NCKAP5: variants seen among roughly 807,000 people sequenced by gnomAD.
NCKAP5 encodes NCK associated protein 5, also known as nck-associated protein 5.
A neutral mutation model predicts 167.0 loss-of-function variants in NCKAP5; 92 were observed. The ratio of observed to expected loss-of-function variants is 0.55; its 90% CI spans 0.47 to 0.66. The LOEUF (loss-of-function observed/expected upper bound fraction) is 0.66. NCKAP5 is among the 30% of genes least tolerant of loss of function. NCKAP5 has a pLI of 0.00. For synonymous variants in NCKAP5, 891 were observed against 877.4 expected (o/e 1.02, Z -0.27); for missense variants, 2,378 against 2,315.0 (o/e 1.03, Z -0.56).
chr2:132,893,706 C>T (rs1319181194), intron 8 of NCKAP5, among the ~76,000 whole-genome samples: 1 of 152,108 alleles, frequency 6.6e-6, no homozygotes, highest in East Asian at 1.9e-4. Context: ...ATCATTACCA[C>T]TAGTGGGGAG....
chr2:133,524,119 G>A lies in NCKAP5; in HGVS notation c.-61-6532C>T, dbSNP rs192850113. On this transcript the variant is annotated intron_variant, in intron 2 of 19. Transcript: ENST00000409261. Reference sequence around the variant, plus strand: ...TAGATGGAATAAATCAAGATCTCTGGGGGTGGGAACCAAACATTATTATTT... The same window carrying A: ...TAGATGGAATAAATCAAGATCTCTGAGGGTGGGAACCAAACATTATTATTT... 1.1e-4 allele frequency among the ~76,000 whole-genome samples: 17 copies of A among 152,216 alleles called. No homozygotes were observed. In the East Asian group the frequency reaches 3.3e-3, roughly 29 times the overall value.
Position 132,688,995 on chromosome 2 carries a change from A to C in NCKAP5, c.5714-15690T>G, listed in dbSNP as rs972827841. 1.7e-4 allele frequency among the ~76,000 whole-genome samples: 25 copies of C among 151,322 alleles called. 1 individual carries two copies. Among genetic ancestry groups the C allele is most frequent in the African/African-American group, 5.3e-4 (22 of 41,242 alleles). On this transcript the variant is annotated intron_variant, in intron 19 of 19. Transcript: ENST00000409261. ...AATGAGACACCAACTCAAAAAAAAA[A>C]AAAAAAAAAAGCCTCTTTCCAAAAA...
intron 6 of NCKAP5, among the ~76,000 whole-genome samples, chr2:133,029,802 C>T (rs575281318): frequency 3.3e-5 from 5 of 152,222 alleles, no homozygotes; most frequent in African/African-American, 9.6e-5. Context: ...ATCAGTGGTG[C>T]CAGAAGATGC....
intron 11 of NCKAP5, among the ~76,000 whole-genome samples, chr2:132,831,017 T>G (rs1221195574): frequency 6.6e-6 from 1 of 152,182 alleles, no homozygotes; most frequent in Non-Finnish European, 1.5e-5. Flanking sequence ...CTAACACATA[T>G]TTAGGTTTTA....
intron 10 of NCKAP5, among the ~76,000 whole-genome samples, chr2:132,865,810 C>T (rs1471792790): frequency 2.0e-5 from 3 of 152,292 alleles, no homozygotes; most frequent in African/African-American, 7.2e-5. Flanking sequence ...GCAGTTGAAA[C>T]TATGAGCAAA....
intron 8 of NCKAP5, among the ~76,000 whole-genome samples, chr2:132,936,158 T>A (rs974445610): frequency 1.3e-5 from 2 of 151,978 alleles, no homozygotes; most frequent in African/African-American, 4.8e-5. Context: ...ATTTTTGTGT[T>A]TTTAGCAGAG....
At chr2:133,589,452 C>G in the NCKAP5 span, among the ~76,000 whole-genome samples, 1 of 152,100 alleles carries the variant, frequency 6.6e-6, no homozygotes, top group East Asian at 1.9e-4. Flanking sequence ...GGATACCTAG[C>G]AAGCATCCAA....
chr2:132,950,227 G>A (rs1329365545), intron 8 of NCKAP5, among the ~76,000 whole-genome samples: 1 of 152,156 alleles, frequency 6.6e-6, no homozygotes, highest in Non-Finnish European at 1.5e-5. Context: ...ACTAGTTCAA[G>A]ATCCACATAA....
In NCKAP5 at chr2:133,274,708, G is replaced by A. The variant is rs1385046150; in HGVS notation, c.143+28329C>T. On this transcript the variant is annotated intron_variant, in intron 4 of 19. Coordinates refer to ENST00000409261, the MANE Select transcript of NCKAP5 (RefSeq NM_207363.3). ...ATTTATGGACTCAGGGTATATGAAA[G>A]AAATGGCATTATTAATTATTGGGGA... 9.2e-5 allele frequency among the ~76,000 whole-genome samples: 14 copies of A among 151,796 alleles called. No homozygotes were observed. The South Asian group carries it at 2.7e-3, about 29-fold the overall frequency.
intron 8 of NCKAP5, among the ~76,000 whole-genome samples, chr2:132,925,494 G>A (rs7588407): frequency 0.32 from 47,955 of 150,082 alleles, 10,026 homozygotes; most frequent in African/African-American, 0.56. Context: ...CCTGGGAGGC[G>A]GAGTTTGCAG....
intron 3 of NCKAP5, among the ~76,000 whole-genome samples, chr2:133,309,176 G>A (rs898360788): frequency 6.6e-6 from 1 of 151,864 alleles, no homozygotes; most frequent in Non-Finnish European, 1.5e-5. Flanking sequence ...GTAATATTAT[G>A]GGCTAATTTA....
At chr2:132,790,316 G>T (rs1034271172) in intron 12 of NCKAP5, 111 bp from the exon 13 acceptor site, 3 of 951,470 alleles carry the variant, frequency 3.2e-6, no homozygotes, top group Admixed American at 5.4e-5. Flanking sequence ...ACTTATGGCA[G>T]GAGTACATCC....
rs577756737 is a variant in NCKAP5 at position 133,063,338 on chromosome 2, T to C, written c.341+66640A>G. Among the ~76,000 whole-genome samples, 17 of 152,362 alleles carry C rather than the reference T, an allele frequency of 1.1e-4. No individual in the cohort carries two copies. The East Asian group carries it at 3.3e-3, about 29-fold the overall frequency. ...AATAAGTGTGTTTATTAAGCTGGCA[T>C]TGACAGGGCACTCAATTTATTATCT... is the stretch of plus-strand genomic sequence containing the variant. On this transcript the variant is annotated intron_variant, in intron 6 of 19. Transcript: ENST00000409261.
rs568650523 is a variant in NCKAP5, at chr2:133,451,636, C to T, written c.69+65822G>A. Among the ~76,000 whole-genome samples, 292 of 152,296 alleles carry T rather than the reference C, an allele frequency of 1.9e-3. 1 individual carries two copies. Among genetic ancestry groups the T allele is most frequent in the African/African-American group, 6.8e-3 (284 of 41,558 alleles). Reference sequence around the variant, plus strand: ...ACTTTCATGTGATTTTTGAGCTAAACCTCCCCTTCCCATTGCAGGGCAGAG... The same window carrying T: ...ACTTTCATGTGATTTTTGAGCTAAATCTCCCCTTCCCATTGCAGGGCAGAG... On this transcript the variant is annotated intron_variant, in intron 3 of 19. Coordinates refer to ENST00000409261, the MANE Select transcript of NCKAP5 (RefSeq NM_207363.3).
chr2:133,308,149 C>T (rs377356305), intron 3 of NCKAP5, among the ~76,000 whole-genome samples: 26 of 126,672 alleles, frequency 2.1e-4, no homozygotes, highest in Admixed American at 3.0e-4. Flanking sequence ...AGTGCAGTGG[C>T]GGGATCTCGG....
intron 6 of NCKAP5, among the ~76,000 whole-genome samples, chr2:133,012,175 G>A (rs1310899669): frequency 2.0e-5 from 3 of 152,090 alleles, no homozygotes; most frequent in Non-Finnish European, 2.9e-5. Context: ...CTGCTTTCAC[G>A]TTTTTCCTCA....
intron 5 of NCKAP5, among the ~76,000 whole-genome samples, chr2:133,172,841 T>C (rs1282126359): frequency 6.6e-6 from 1 of 151,286 alleles, no homozygotes; most frequent in Non-Finnish European, 1.5e-5. Context: ...TAGAGACGGG[T>C]TTTCACTGTG....
intron 4 of NCKAP5, among the ~76,000 whole-genome samples, chr2:133,295,329 G>A (rs538953508): frequency 6.6e-6 from 1 of 152,164 alleles, no homozygotes; most frequent in East Asian, 1.9e-4. Flanking sequence ...AGGATTTGGA[G>A]TTTTATTTTT....
intron 6 of NCKAP5, among the ~76,000 whole-genome samples, chr2:133,061,043 A>G (rs1287194829): frequency 6.6e-6 from 1 of 151,452 alleles, no homozygotes; most frequent in Non-Finnish European, 1.5e-5. Context: ...AGCAGTTTCC[A>G]GATCCATGAA....
Sources: allele counts gnomAD v4.1 joint callset (sites outside exome capture counted in the v4.1 genomes callset), GRCh38; gene constraint gnomAD v4.1.1; transcripts MANE v1.5; gene names NCBI Gene and HGNC (gene_info 2026-07-23, HGNC 2026-07-21).